Variants in NFS1 observed in about 807,000 individuals in gnomAD.
NFS1 encodes NFS1 cysteine desulfurase, also known as cysteine desulfurase.
A neutral mutation model predicts 57.3 loss-of-function variants in NFS1; 26 were observed. The ratio of observed to expected loss-of-function variants is 0.45; its 90% confidence interval spans 0.33 to 0.63. NFS1 has a LOEUF of 0.63. NFS1 is among the 20% of genes least tolerant of loss of function. The pLI, the probability that NFS1 is intolerant of heterozygous loss-of-function variation, is 0.02. For missense variants in NFS1, 505 were observed against 605.8 expected (o/e 0.83, Z 1.75); for synonymous variants, 209 against 216.3 (o/e 0.97, Z 0.30).
Position 35,697,729 on chromosome 20 carries a change from A to T in NFS1, c.279T>A (p.His93Gln). Residue 93 changes from histidine to glutamine, a missense_variant, in exon 3 of 13, where the codon CAT becomes CAA. By Grantham distance (24) the His-to-Gln change is conservative. Coordinates refer to ENST00000374092, the MANE Select transcript of NFS1 (RefSeq NM_021100.5). Reference sequence around the variant, plus strand: ...CTGCCTCACTCTCCCAGCCATAAGCATGTGTCCGGGAGTGTGGGTTCCCAT... The same window carrying T: ...CTGCCTCACTCTCCCAGCCATAAGCTTGTGTCCGGGAGTGTGGGTTCCCAT... ...NYYGNPHSRT[H>Q]AYGWESEAAM... The T allele has an allele frequency of 6.2e-7, 1 of 1,613,996 alleles. No individual in the cohort carries two copies. The highest frequency in any genetic ancestry group is 8.5e-7 in the Non-Finnish European group (1 of 1,179,950).
intron 3 of NFS1, 140 bp downstream of exon 3, chr20:35,697,544 C>T: frequency 1.7e-6 from 1 of 584,854 alleles, no homozygotes; most frequent in Non-Finnish European, 3.1e-6. Context: ...CAGTCAAACT[C>T]CAAGGCTGCT....
In NFS1 at chr20:35,699,342, C is replaced by A; in HGVS notation, c.-54G>T. 1 of 1,385,474 alleles carries A rather than the reference C, an allele frequency of 7.2e-7. No individual in the cohort carries two copies. The highest frequency in any genetic ancestry group is 9.4e-7 in the Non-Finnish European group (1 of 1,068,218). 85.8% of individuals were successfully genotyped at this position (1,385,474 alleles called of 1,614,324 possible). ...AGCCGCTGCAGTCCTGGGCCCCAGGCTCCCGGAAGTGCTGCCCGGCGCTCC... is the reference window on the plus strand; with the variant it reads ...AGCCGCTGCAGTCCTGGGCCCCAGGATCCCGGAAGTGCTGCCCGGCGCTCC... On this transcript the variant is annotated 5_prime_UTR_variant, in exon 1 of 13. Coordinates refer to ENST00000374092, the MANE Select transcript of NFS1 (RefSeq NM_021100.5). The surrounding 1 kb of genome is among the most constrained non-coding windows in gnomAD (Gnocchi z 4.4).
chr20:35,674,930 G>C (rs2034715184), intron 8 of NFS1, 115 bp downstream of exon 8: 2 of 1,432,324 alleles, frequency 1.4e-6, no homozygotes, highest in East Asian at 4.5e-5. Context: ...ACAAGGAAGA[G>C]TTTTCTTAAG....
chr20:35,687,020 G>A (rs890123736), intron 5 of NFS1, among the ~76,000 whole-genome samples: 1 of 152,196 alleles, frequency 6.6e-6, no homozygotes, highest in Admixed American at 6.6e-5. Flanking sequence ...CGTGGACAGG[G>A]CCACCAGAGG....
rs1178757846 is a variant in NFS1 at position 35,699,315 on chromosome 20, G to A, written c.-27C>T. ...GTCCCGCTGGCAGAGCCCACCTTCC[G>A]AAGCCGCTGCAGTCCTGGGCCCCAG... On this transcript the variant is annotated 5_prime_UTR_variant, in exon 1 of 13. Transcript: ENST00000374092. The surrounding 1 kb of genome is among the most constrained non-coding windows in gnomAD (Gnocchi z 4.4). 4.3e-6 allele frequency: 6 copies of A among 1,395,992 alleles called. No homozygotes were observed. The African/African-American group carries it at 6.1e-5, about 14-fold the overall frequency. The allele number at this position is 1,395,992 out of a possible 1,614,324, so 86.5% of individuals were successfully genotyped here. A position where few individuals can be genotyped will look rare whatever the true frequency, so the allele number is the denominator to read the frequency against.
chr20:35,695,657 G>C (rs2035119964), intron 4 of NFS1, among the ~76,000 whole-genome samples: 1 of 152,172 alleles, frequency 6.6e-6, no homozygotes, highest in South Asian at 2.1e-4. Flanking sequence ...GGAGGAACTT[G>C]TTGCAAATAG....
At chr20:35,690,627 T>A (rs2035026459) in intron 4 of NFS1, 62 bp from the exon 5 acceptor site, 2 of 1,565,710 alleles carry the variant, frequency 1.3e-6, no homozygotes, top group Non-Finnish European at 1.8e-6. Flanking sequence ...ATGACTTCAA[T>A]CTCATTTGTA....
Position 35,669,694 on chromosome 20 carries a change from G to A in NFS1, c.1311-9C>T. 1 of 1,613,820 alleles carries A rather than the reference G, an allele frequency of 6.2e-7. No homozygotes were observed. The highest frequency in any genetic ancestry group is 1.1e-5 in the South Asian group (1 of 91,078). On this transcript the variant is annotated splice_polypyrimidine_tract_variant and intron_variant, in intron 12 of 12. Transcript: ENST00000374092. ...CCATCTCCCAGAGAGGGCTGCCAAAGAGAAGAGGCATTAAATGAGTGAGGG... is the reference window on the plus strand; with the variant it reads ...CCATCTCCCAGAGAGGGCTGCCAAAAAGAAGAGGCATTAAATGAGTGAGGG...
At chr20:35,691,302 T>C (rs2146434240) in intron 4 of NFS1, among the ~76,000 whole-genome samples, 1 of 152,230 alleles carries the variant, frequency 6.6e-6, no homozygotes, top group East Asian at 1.9e-4. Context: ...CCCAAGTAAT[T>C]TTCTAGGTGC....
chr20:35,698,408 C>T, intron 2 of NFS1, 73 bp downstream of exon 2: 1 of 1,151,304 alleles, frequency 8.7e-7, no homozygotes, highest in Non-Finnish European at 1.3e-6. Flanking sequence ...TCCAGGGATT[C>T]AGCCATTTCT....
intron 7 of NFS1, among the ~76,000 whole-genome samples, chr20:35,678,747 T>C (rs1047795844): frequency 7.2e-5 from 11 of 151,842 alleles, no homozygotes; most frequent in African/African-American, 2.7e-4. Context: ...TAGTGCTAGT[T>C]ACTGGTGAGG....
intron 4 of NFS1, among the ~76,000 whole-genome samples, chr20:35,694,365 G>A (rs1425719964): frequency 2.6e-5 from 4 of 152,066 alleles, no homozygotes; most frequent in African/African-American, 7.2e-5. Context: ...GGCTGGTCTC[G>A]AACTCCTGAT....
chr20:35,676,760 A>C (rs2034753899), intron 7 of NFS1, among the ~76,000 whole-genome samples: 1 of 132,546 alleles, frequency 7.5e-6, no homozygotes, highest in African/African-American at 2.8e-5. Flanking sequence ...GAAAATCAGA[A>C]AAAAAAAAAA....
intron 4 of NFS1, 65 bp downstream of exon 4, chr20:35,696,312 G>T: frequency 9.3e-7 from 1 of 1,077,070 alleles, no homozygotes; most frequent in Non-Finnish European, 1.4e-6. Context: ...GAGTCCAAAT[G>T]ATGGAGGGAC....
At chr20:35,689,830 C>T (rs1421187500) in intron 5 of NFS1, among the ~76,000 whole-genome samples, 1 of 145,234 alleles carries the variant, frequency 6.9e-6, no homozygotes, top group African/African-American at 2.6e-5. Flanking sequence ...CCCAGCTACT[C>T]AGGAGGCTGA....
rs557072001 is a variant in NFS1, at chr20:35,675,134, G to T, written c.859C>A (p.Gln287Lys). ...GTCCCAGACCGCATACCCCGCTCCT[G>T]CCCCCCTCCACTCTGCAGGGCCTCC... Reference protein sequence around the residue: ...RVEALQSGGGQERGMRSGTVP... With the variant: ...RVEALQSGGGKERGMRSGTVP... Residue 287 changes from glutamine (Q) to lysine (K), a missense_variant, in exon 8 of 13, where the codon CAG becomes AAG. By Grantham distance (53) the Gln-to-Lys change is moderately conservative. Transcript: ENST00000374092. The T allele has an allele frequency of 6.2e-7, 1 of 1,613,860 alleles. No individual in the cohort carries two copies.
intron 11 of NFS1, 69 bp from the exon 12 acceptor site, chr20:35,672,913 T>A (rs916522107): frequency 2.3e-6 from 2 of 874,574 alleles, no homozygotes; most frequent in African/African-American, 3.4e-5. Context: ...ATTCCGCAAA[T>A]ACTCACTAAG....
intron 1 of NFS1, chr20:35,698,988 G>A (rs974907222): frequency 3.0e-6 from 4 of 1,325,540 alleles, no homozygotes; most frequent in Non-Finnish European, 3.8e-6. Flanking sequence ...GGCTCTGGGG[G>A]CCTGTCGCGC....
chr20:35,690,402 GC>G lies in NFS1; in HGVS notation c.561+10del. The G allele has an allele frequency of 6.2e-7, 1 of 1,609,670 alleles. No homozygotes were observed. The stretch of plus-strand genomic sequence containing the variant: ...TCCATTTTTGCTCCTCCTGCCAATA[GC>G]CACTCCTACCTTTAGGTCAATGATC... On this transcript the variant is annotated intron_variant, in intron 5 of 12. Transcript: ENST00000374092.
Sources: allele counts gnomAD v4.1 joint callset (sites outside exome capture counted in the v4.1 genomes callset), GRCh38; gene constraint gnomAD v4.1.1; non-coding constraint Gnocchi (gnomAD v3.1); transcripts MANE v1.5; gene names NCBI Gene and HGNC (gene_info 2026-07-23, HGNC 2026-07-21).